Variants in ANKRD11 observed in about 807,000 individuals in gnomAD.
The protein encoded by ANKRD11 is ankyrin repeat domain 11.
Under a neutral mutation model 195.7 loss-of-function variants are expected in ANKRD11, and 17 were observed. The ratio of observed to expected loss-of-function variants is 0.09; its 90% CI spans 0.06 to 0.13. The LOEUF (loss-of-function observed/expected upper bound fraction) is 0.13, where lower values mean the gene tolerates loss of function less well. Among genes scored for constraint, ANKRD11 ranks in the 10% least tolerant of loss-of-function variants. ANKRD11 has a pLI of 1.00. For synonymous variants in ANKRD11, 1,953 were observed against 1,528.1 expected (o/e 1.28, Z -6.49); for missense variants, 3,735 against 3,566.1 (o/e 1.05, Z -1.21).
chr16:89,455,175 G>A (rs1425431766), intron 1 of ANKRD11, among the ~76,000 whole-genome samples: 1 of 133,404 alleles, frequency 7.5e-6, no homozygotes, highest in Non-Finnish European at 1.6e-5. Flanking sequence ...TGCTCCCCTG[G>A]GTGCTTCTAG....
At chr16:89,478,668 CGCGCAGCT>C (rs1567861435) in intron 1 of ANKRD11, among the ~76,000 whole-genome samples, 4 of 152,250 alleles carry the variant, frequency 2.6e-5, no homozygotes, top group African/African-American at 7.2e-5. Context: ...CAGCCGGCTA[CGCGCAGCT>C]CTCCGGCACA....
At chr16:89,302,652 T>A (rs2035930845) in intron 4 of ANKRD11, among the ~76,000 whole-genome samples, 1 of 152,170 alleles carries the variant, frequency 6.6e-6, no homozygotes, top group African/African-American at 2.4e-5. Context: ...GGAAATCTAG[T>A]TTTGCAACAT....
Position 89,279,455 on chromosome 16 carries a change from G to A in ANKRD11, c.7087C>T (p.Pro2363Ser), listed in dbSNP as rs769501453. Reference sequence around the variant, plus strand: ...GCCTTGGCCCTGGTGACCGGGGCAGGGGTGGGGGCGCACTCCTTCTCGGAG... The same window carrying A: ...GCCTTGGCCCTGGTGACCGGGGCAGAGGTGGGGGCGCACTCCTTCTCGGAG... ...PPSEKECAPT[P>S]APVTRAKARG... The change falls in exon 9 of 13, where the codon CCT (proline) becomes TCT (serine). Residue 2363 changes from proline (P) to serine (S), a missense_variant. Pro to Ser is a moderately conservative substitution (Grantham distance 74). Transcript: ENST00000301030. The surrounding 1 kb of genome is among the most constrained non-coding windows in gnomAD (Gnocchi z 5.6). 24 of 1,459,138 alleles carry A rather than the reference G, an allele frequency of 1.6e-5. No individual in the cohort carries two copies. Among genetic ancestry groups the A allele is most frequent in the Non-Finnish European group, 2.2e-5 (24 of 1,082,546 alleles). 90.4% of individuals were successfully genotyped at this position (1,459,138 alleles called of 1,614,324 possible).
intron 2 of ANKRD11, among the ~76,000 whole-genome samples, chr16:89,382,708 G>C (rs951190686): frequency 5.3e-5 from 8 of 149,626 alleles, no homozygotes; most frequent in African/African-American, 2.0e-4. Context: ...TCAAACTCCT[G>C]GGCTCAAGTA....
intron 2 of ANKRD11, among the ~76,000 whole-genome samples, chr16:89,414,218 C>T (rs994732796): frequency 6.6e-6 from 1 of 152,218 alleles, no homozygotes; most frequent in African/African-American, 2.4e-5. Context: ...AACATTAAGT[C>T]CAAGCCTCTT....
intron 1 of ANKRD11, among the ~76,000 whole-genome samples, chr16:89,445,975 C>CA (rs1226460238): frequency 1.2e-4 from 6 of 51,378 alleles, no homozygotes; most frequent in Non-Finnish European, 1.8e-4. Context: ...GTCTCAAAAA[C>CA]AAAAACAAAA....
chr16:89,423,797 G>A lies in ANKRD11; in HGVS notation c.-144-5429C>T, dbSNP rs146328689. 1.9e-3 allele frequency among the ~76,000 whole-genome samples: 282 copies of A among 152,264 alleles called. 1 individual carries two copies. Among genetic ancestry groups the A allele is most frequent in the African/African-American group, 6.1e-3 (252 of 41,568 alleles). ...CGTTTTCCAGGCATGATAAATCTAC[G>A]CAATGGCAGCCAGCCTGCGGATGTA... On this transcript the variant is annotated intron_variant, in intron 1 of 12. Coordinates refer to ENST00000301030, the MANE Select transcript of ANKRD11 (RefSeq NM_013275.6).
At chr16:89,438,593 A>AGG (rs1422668946) in intron 1 of ANKRD11, among the ~76,000 whole-genome samples, 1 of 152,174 alleles carries the variant, frequency 6.6e-6, no homozygotes, top group East Asian at 1.9e-4. Context: ...TGGGCCTCCC[A>AGG]AAGTGCTGGG....
At chr16:89,459,833 T>A (rs377221133) in intron 1 of ANKRD11, among the ~76,000 whole-genome samples, 1 of 151,750 alleles carries the variant, frequency 6.6e-6, no homozygotes, top group South Asian at 2.1e-4. Flanking sequence ...TTCAGGAGGC[T>A]GAGCCTGGAG....
At chr16:89,425,756 G>C (rs746716182) in intron 1 of ANKRD11, among the ~76,000 whole-genome samples, 12 of 152,142 alleles carry the variant, frequency 7.9e-5, no homozygotes, top group Non-Finnish European at 1.5e-4. Flanking sequence ...CTGATTTAAA[G>C]TGAAAGAGAA....
rs780632720 is a variant in ANKRD11, at chr16:89,281,303, G to A, written c.5239C>T (p.Pro1747Ser). 5.6e-6 allele frequency: 9 copies of A among 1,614,046 alleles called. No homozygotes were observed. In the African/African-American group the frequency reaches 8.0e-5, roughly 14 times the overall value. ...FDCADSQHST[P>S]VPTAPTSACS... Reference sequence around the variant, plus strand: ...GCGCTGGTGGGAGCGGTGGGCACGGGCGTGGAGTGCTGCGAGTCGGCGCAG... The same window carrying A: ...GCGCTGGTGGGAGCGGTGGGCACGGACGTGGAGTGCTGCGAGTCGGCGCAG... The change falls in exon 9 of 13, where the codon CCC becomes TCC. Residue 1747 changes from proline to serine, a missense_variant. Pro to Ser is a moderately conservative substitution (Grantham distance 74, BLOSUM62 -1). Coordinates refer to ENST00000301030, the MANE Select transcript of ANKRD11 (RefSeq NM_013275.6). This position sits in a 1 kb window ranked among gnomAD's most constrained non-coding sequence, Gnocchi z 5.5.
chr16:89,437,552 G>A (rs1478427705), intron 1 of ANKRD11, among the ~76,000 whole-genome samples: 1 of 152,052 alleles, frequency 6.6e-6, no homozygotes, highest in Non-Finnish European at 1.5e-5. Context: ...CAGTCCTCCA[G>A]AGACAGTCCT....
chr16:89,284,718 C>T lies in ANKRD11; in HGVS notation c.1824G>A (p.Lys608=), dbSNP rs752302321. The stretch of plus-strand genomic sequence containing the variant: ...CCTCCGCGCTGGACAGGAAGGGGCT[C>T]TTCTTCTCCGACAGGGAGGCTCGCT... The part of the protein sequence containing the change: ...HRKRASLSEK[K]SPFLSSAEGA... The change falls in exon 9 of 13, where the codon AAG becomes AAA. Residue 608 remains lysine, a synonymous_variant. Coordinates refer to ENST00000301030, the MANE Select transcript of ANKRD11 (RefSeq NM_013275.6). 6.2e-7 allele frequency: 1 copy of T among 1,613,692 alleles called. No homozygotes were observed. The highest frequency in any genetic ancestry group is 8.5e-7 in the Non-Finnish European group (1 of 1,179,850).
chr16:89,438,780 A>G (rs1414144672), intron 1 of ANKRD11, among the ~76,000 whole-genome samples: 1 of 152,142 alleles, frequency 6.6e-6, no homozygotes, highest in East Asian at 1.9e-4. Flanking sequence ...CCGAGGTGGG[A>G]GGACTGCTTG....
intron 2 of ANKRD11, among the ~76,000 whole-genome samples, chr16:89,350,016 A>G (rs1296808416): frequency 1.3e-5 from 2 of 152,200 alleles, no homozygotes; most frequent in Non-Finnish European, 2.9e-5. Context: ...CAAATGGCAG[A>G]TATGAAAGTG....
chr16:89,371,891 C>T (rs1379220791), intron 2 of ANKRD11, among the ~76,000 whole-genome samples: 6 of 152,210 alleles, frequency 3.9e-5, no homozygotes, highest in Admixed American at 3.9e-4. Flanking sequence ...CGTGTGACTC[C>T]ACTGGCATCA....
Position 89,280,684 on chromosome 16 carries a change from G to T in ANKRD11, c.5858C>A (p.Pro1953His). 1 of 1,613,388 alleles carries T rather than the reference G, an allele frequency of 6.2e-7. No homozygotes were observed. The change falls in exon 9 of 13, where the codon CCC becomes CAC. Residue 1953 changes from proline (P) to histidine (H), a missense_variant. Physicochemically the swap from Pro to His is moderately conservative, Grantham distance 77 (BLOSUM62 -2). Coordinates refer to ENST00000301030, the MANE Select transcript of ANKRD11 (RefSeq NM_013275.6). ...ITEEPVEWAHPSEQALASSLI... is the reference protein window; with the variant it reads ...ITEEPVEWAHHSEQALASSLI... ...GCTAGAGGCAAGCGCCTGCTCGGAGGGGTGGGCCCACTCAACGGGCTCCTC... is the reference window on the plus strand; with the variant it reads ...GCTAGAGGCAAGCGCCTGCTCGGAGTGGTGGGCCCACTCAACGGGCTCCTC...
intron 1 of ANKRD11, among the ~76,000 whole-genome samples, chr16:89,420,996 GAATC>G (rs923461794): frequency 2.6e-5 from 4 of 152,270 alleles, no homozygotes; most frequent in African/African-American, 9.6e-5. Flanking sequence ...AGCAACTCAG[GAATC>G]AACAGGCCTG....
chr16:89,468,785 T>C (rs920910448), intron 1 of ANKRD11, among the ~76,000 whole-genome samples: 2 of 152,138 alleles, frequency 1.3e-5, no homozygotes, highest in Admixed American at 6.6e-5. Context: ...GCAGCCCCAA[T>C]GGCCAGCCTG....
Sources: gnomAD v4.1 joint callset for allele counts (sites outside exome capture counted in the v4.1 genomes callset) on GRCh38, gnomAD v4.1.1 for gene constraint, Gnocchi (gnomAD v3.1) non-coding constraint, MANE v1.5 for transcripts, NCBI Gene and HGNC (gene_info 2026-07-23, HGNC 2026-07-21) for gene names.